Variants in TAB2 observed in about 807,000 individuals in gnomAD.
TAB2 encodes the protein TGF-beta-activated kinase 1 and MAP3K7-binding protein 2.
TAB2 carries 3 observed loss-of-function variants against 65.0 expected under a neutral mutation model. The ratio of observed to expected loss-of-function variants is 0.05; its 90% CI spans 0.02 to 0.12. The LOEUF is 0.12. TAB2 is among the 10% of genes least tolerant of loss of function. The probability of loss-of-function intolerance (pLI) is 1.00; values close to 1 mark genes in which losing one functional copy is unlikely to be tolerated. For missense variants in TAB2, 623 were observed against 840.3 expected (o/e 0.74, Z 3.20); for synonymous variants, 298 against 285.1 (o/e 1.05, Z -0.46).
chr6:149,254,051 G>C (rs1431683558), intron 1 of TAB2, among the ~76,000 whole-genome samples: 1 of 130,866 alleles, frequency 7.6e-6, no homozygotes, highest in Non-Finnish European at 1.6e-5. Flanking sequence ...AAGAAAGAGG[G>C]AGAGAGGGAG....
At chr6:149,342,023 T>C (rs989292118) in intron 1 of TAB2, among the ~76,000 whole-genome samples, 1 of 134,064 alleles carries the variant, frequency 7.5e-6, no homozygotes, top group African/African-American at 2.7e-5. Flanking sequence ...TTGGTTTTTG[T>C]TTTATATGGC....
chr6:149,332,545 G>A (rs1171762832), intron 1 of TAB2, among the ~76,000 whole-genome samples: 1 of 152,066 alleles, frequency 6.6e-6, no homozygotes, highest in Non-Finnish European at 1.5e-5. Flanking sequence ...ATAGGTAAAT[G>A]GCTGTTAACA....
chr6:149,389,816 C>T (rs958436371), intron 3 of TAB2, among the ~76,000 whole-genome samples: 2 of 152,054 alleles, frequency 1.3e-5, no homozygotes, highest in Middle Eastern at 3.2e-3. Flanking sequence ...TGTAAGATTA[C>T]ATGCAGAATC....
intron 1 of TAB2, among the ~76,000 whole-genome samples, chr6:149,333,812 A>G (rs501926): frequency 0.12 from 18,563 of 151,990 alleles, 1,734 homozygotes; most frequent in East Asian, 0.51. Context: ...AAGTTTGTAA[A>G]AAGAATGTCT....
chr6:149,353,056 C>T (rs909194868), intron 1 of TAB2, among the ~76,000 whole-genome samples: 9 of 152,268 alleles, frequency 5.9e-5, no homozygotes, highest in African/African-American at 1.4e-4. Flanking sequence ...AATGGAATTA[C>T]TGATTCCATG....
At chr6:149,386,164 A>T (rs1362656870) in intron 3 of TAB2, among the ~76,000 whole-genome samples, 2 of 152,246 alleles carry the variant, frequency 1.3e-5, no homozygotes, top group Non-Finnish European at 2.9e-5. Context: ...GGGATTATAT[A>T]ATATGCACAT....
chr6:149,332,487 G>T (rs1382814968), intron 1 of TAB2, among the ~76,000 whole-genome samples: 1 of 152,090 alleles, frequency 6.6e-6, no homozygotes, highest in Non-Finnish European at 1.5e-5. Flanking sequence ...GTAATTGGGA[G>T]GTGATTTGGG....
intron 1 of TAB2, among the ~76,000 whole-genome samples, chr6:149,281,308 T>C (rs912243816): frequency 6.6e-6 from 1 of 152,034 alleles, no homozygotes; most frequent in African/African-American, 2.4e-5. Flanking sequence ...ACGATATCCC[T>C]TGAAAGTAGA....
chr6:149,357,430 A>AATAAAAAAAC, intron 1 of TAB2, among the ~76,000 whole-genome samples: 2 of 111,146 alleles, frequency 1.8e-5, no homozygotes, highest in East Asian at 6.2e-4. Context: ...AGAAAAAAAA[A>AATAAAAAAAC]ACACACACAC....
intron 1 of TAB2, among the ~76,000 whole-genome samples, chr6:149,286,014 A>T (rs1778670912): frequency 6.6e-6 from 1 of 152,226 alleles, no homozygotes; most frequent in Admixed American, 6.5e-5. Flanking sequence ...CCAGGGAAAG[A>T]AAAGGACCAC....
intron 1 of TAB2, among the ~76,000 whole-genome samples, chr6:149,326,552 ATTT>A (rs11309696): frequency 1.1e-4 from 16 of 141,782 alleles, no homozygotes; most frequent in African/African-American, 3.0e-4. Flanking sequence ...TTTTGTTATT[ATTT>A]TTTTTTTTTT....
chr6:149,379,658 G>T, intron 3 of TAB2, 140 bp downstream of exon 3: 1 of 764,238 alleles, frequency 1.3e-6, no homozygotes. Context: ...TAACATTTGA[G>T]AGTATTATAT....
chr6:149,316,196 T>C (rs1229914735), upstream of TAB2, among the ~76,000 whole-genome samples: 1 of 152,256 alleles, frequency 6.6e-6, no homozygotes, highest in Non-Finnish European at 1.5e-5. Flanking sequence ...TACTTTTGCT[T>C]CTCTTAATGG....
chr6:149,255,938 G>GA (rs1778021253), intron 1 of TAB2, among the ~76,000 whole-genome samples: 1 of 152,276 alleles, frequency 6.6e-6, no homozygotes, highest in East Asian at 1.9e-4. Flanking sequence ...AAGAGGGCAG[G>GA]AAAAAGGAGA....
At chr6:149,258,699 C>T (rs979010965) in intron 1 of TAB2, among the ~76,000 whole-genome samples, 6 of 152,164 alleles carry the variant, frequency 3.9e-5, no homozygotes, top group African/African-American at 7.2e-5. Flanking sequence ...TACCATATGC[C>T]TATATAGTAT....
chr6:149,306,343 A>G (rs1017777898), intron 1 of TAB2, among the ~76,000 whole-genome samples: 4 of 152,132 alleles, frequency 2.6e-5, no homozygotes, highest in Non-Finnish European at 5.9e-5. Flanking sequence ...GATCGAGACC[A>G]TCCTGGCTAA....
chr6:149,336,402 G>A (rs1419925568), intron 1 of TAB2, among the ~76,000 whole-genome samples: 1 of 152,080 alleles, frequency 6.6e-6, no homozygotes, highest in African/African-American at 2.4e-5. Flanking sequence ...CCAAACAGAT[G>A]ATCTTCTGTG....
chr6:149,277,650 G>A (rs985067561), intron 1 of TAB2, among the ~76,000 whole-genome samples: 7 of 151,950 alleles, frequency 4.6e-5, no homozygotes, highest in Non-Finnish European at 8.8e-5. Flanking sequence ...TACATAAATA[G>A]GTACTATAAT....
intron 1 of TAB2, among the ~76,000 whole-genome samples, chr6:149,365,806 ACAGT>A (rs1781021223): frequency 6.6e-6 from 1 of 151,796 alleles, no homozygotes; most frequent in African/African-American, 2.4e-5. Flanking sequence ...CCCCTCGCCC[ACAGT>A]CACTTTTTTA....
Sources: gnomAD v4.1 joint callset for allele counts (sites outside exome capture counted in the v4.1 genomes callset) on GRCh38, gnomAD v4.1.1 for gene constraint, MANE v1.5 for transcripts, NCBI Gene and HGNC (gene_info 2026-07-23, HGNC 2026-07-21) for gene names.